COP1: variants seen among roughly 807,000 people sequenced by gnomAD.
COP1 encodes COP1 E3 ubiquitin ligase.
A neutral mutation model predicts 101.3 loss-of-function variants in COP1; 24 were observed. The ratio of observed to expected loss-of-function variants is 0.24; its 90% CI spans 0.17 to 0.33. COP1 has a LOEUF of 0.33. Ranked by LOEUF, COP1 falls within the 10% of genes least tolerant of loss-of-function variation. The pLI, the probability that COP1 is intolerant of heterozygous loss-of-function variation, is 1.00. For missense variants in COP1, 663 were observed against 906.2 expected (o/e 0.73, Z 3.45); for synonymous variants, 347 against 341.9 (o/e 1.01, Z -0.17).
chr1:176,066,032 T>C (rs557141656), intron 11 of COP1, among the ~76,000 whole-genome samples: 52 of 152,098 alleles, frequency 3.4e-4, no homozygotes, highest in Non-Finnish European at 4.1e-4. Context: ...GGCCGGGGGA[T>C]AATGATTTTA....
rs144811828 is a variant in COP1, at chr1:175,989,461, T to C, written c.1748A>G (p.Tyr583Cys). Residue 583 changes from tyrosine to cysteine, a missense_variant, in exon 16 of 20, where the codon TAT (tyrosine) becomes TGT (cysteine). Physicochemically the swap from Tyr to Cys is radical, Grantham distance 194. Coordinates refer to ENST00000367669, the MANE Select transcript of COP1 (RefSeq NM_022457.7). ...FGCADHCVHYYDLRNTKQPIM... is the reference protein window; with the variant it reads ...FGCADHCVHYCDLRNTKQPIM... ...TGGCTGTTTAGTGTTACGAAGATCA[T>C]AGTAGTGGACACAGTGATCTAAAAC... 23 of 1,581,250 alleles carry C rather than the reference T, an allele frequency of 1.5e-5. No individual in the cohort carries two copies. The Middle Eastern group carries it at 1.2e-3, about 80-fold the overall frequency.
intron 15 of COP1, 94 bp downstream of exon 15, chr1:176,027,478 C>A: frequency 3.8e-6 from 3 of 780,086 alleles, no homozygotes; most frequent in Non-Finnish European, 6.7e-6. Context: ...ACATTTAAAC[C>A]TACAAAAGAG....
rs184004481 is a variant in COP1 at position 176,087,095 on chromosome 1, T to C, written c.1027-1205A>G. On this transcript the variant is annotated intron_variant, in intron 9 of 19. Coordinates refer to ENST00000367669, the MANE Select transcript of COP1 (RefSeq NM_022457.7). ...AACTGGATCCCTTCCTTATACCTTA[T>C]ACAAAAATTAATTTAAGATGGATTA... Among the ~76,000 whole-genome samples the C allele has an allele frequency of 3.4e-3, 518 of 152,318 alleles. 4 individuals are homozygous for C. The highest frequency in any genetic ancestry group is 0.012 in the African/African-American group (501 of 41,566).
At chr1:176,053,939 G>A (rs1672999547) in intron 11 of COP1, among the ~76,000 whole-genome samples, 1 of 151,878 alleles carries the variant, frequency 6.6e-6, no homozygotes, top group Admixed American at 6.6e-5. Context: ...ATTTGAACTG[G>A]CAGACTTGAA....
In COP1 at chr1:176,207,031, G is replaced by A; in HGVS notation, c.-53C>T. On this transcript the variant is annotated 5_prime_UTR_variant, in exon 1 of 20. Coordinates refer to ENST00000367669, the MANE Select transcript of COP1 (RefSeq NM_022457.7). Reference sequence around the variant, plus strand: ...CTCGGAGGAGAGGGACCGCGACCTCGACCCTCCGCCGCCTCCCCTCCCCTC... The same window carrying A: ...CTCGGAGGAGAGGGACCGCGACCTCAACCCTCCGCCGCCTCCCCTCCCCTC... 7.6e-7 allele frequency: 1 copy of A among 1,320,374 alleles called. No individual in the cohort carries two copies. The highest frequency in any genetic ancestry group is 9.7e-7 in the Non-Finnish European group (1 of 1,031,810). 81.8% of individuals were successfully genotyped at this position (1,320,374 alleles called of 1,614,324 possible). A position where few individuals can be genotyped will look rare whatever the true frequency, so the allele number is the denominator to read the frequency against.
At chr1:176,142,611 A>C (rs1690877150) in intron 6 of COP1, among the ~76,000 whole-genome samples, 1 of 152,078 alleles carries the variant, frequency 6.6e-6, no homozygotes, top group African/African-American at 2.4e-5. Context: ...TTCAAGCACA[A>C]GTATTTCAAA....
intron 15 of COP1, among the ~76,000 whole-genome samples, chr1:176,001,436 C>T (rs1001444287): frequency 6.6e-6 from 1 of 152,086 alleles, no homozygotes; most frequent in African/African-American, 2.4e-5. Flanking sequence ...GGAAATACCA[C>T]TACTAAAAAC....
intron 1 of COP1, among the ~76,000 whole-genome samples, chr1:176,192,570 A>T (rs1234958370): frequency 6.6e-6 from 1 of 152,172 alleles, no homozygotes; most frequent in Admixed American, 6.5e-5. Flanking sequence ...AATTGGCCAA[A>T]ATATCTTTCA....
At chr1:176,105,824 G>C (rs868247221) in intron 9 of COP1, among the ~76,000 whole-genome samples, 2 of 152,160 alleles carry the variant, frequency 1.3e-5, no homozygotes, top group African/African-American at 4.8e-5. Flanking sequence ...GATTTCAGTA[G>C]TATCTATTAA....
At chr1:176,126,055 T>G (rs1173615509) in intron 8 of COP1, among the ~76,000 whole-genome samples, 1 of 152,228 alleles carries the variant, frequency 6.6e-6, no homozygotes, top group African/African-American at 2.4e-5. Flanking sequence ...TGATTTTTTG[T>G]ATGTTGACTT....
rs182381848 is a variant in COP1, at chr1:176,067,319, A to G, written c.1277+13833T>C. ...CCCACGGACTAAGGTGAGGACAAGC[A>G]TTTCTGTTTTTGTGCTCAAATGTTG... On this transcript the variant is annotated intron_variant, in intron 11 of 19. Coordinates refer to ENST00000367669, the MANE Select transcript of COP1 (RefSeq NM_022457.7). Among the ~76,000 whole-genome samples the G allele has an allele frequency of 9.2e-5, 14 of 152,204 alleles. No homozygotes were observed. In the East Asian group the frequency reaches 2.5e-3, roughly 27 times the overall value.
At chr1:176,142,481 A>T (rs1690852926) in intron 6 of COP1, among the ~76,000 whole-genome samples, 1 of 152,124 alleles carries the variant, frequency 6.6e-6, no homozygotes, top group Non-Finnish European at 1.5e-5. Flanking sequence ...TTCACCTAAA[A>T]GATAATGAGA....
At chr1:175,977,201 C>T (rs1046424599) in intron 18 of COP1, among the ~76,000 whole-genome samples, 2 of 152,144 alleles carry the variant, frequency 1.3e-5, no homozygotes, top group Non-Finnish European at 2.9e-5. Flanking sequence ...AAAAGTATGA[C>T]CAACTGCTTA....
chr1:176,065,704 ATTTTTTTTTT>A (rs1203707183), intron 11 of COP1, among the ~76,000 whole-genome samples: 1 of 114,472 alleles, frequency 8.7e-6, no homozygotes, highest in Admixed American at 9.1e-5. Flanking sequence ...GGGGATAATG[ATTTTTTTTTT>A]TTTTTTTTTT....
chr1:176,129,150 T>C (rs535447628), intron 8 of COP1, among the ~76,000 whole-genome samples: 14 of 152,036 alleles, frequency 9.2e-5, no homozygotes, highest in Admixed American at 9.2e-4. Context: ...ATTCACAAGG[T>C]ATTAGATCAC....
chr1:176,110,710 T>C (rs1283584842), intron 9 of COP1, among the ~76,000 whole-genome samples: 3 of 152,030 alleles, frequency 2.0e-5, no homozygotes, highest in East Asian at 1.9e-4. Flanking sequence ...AAAAACCTGC[T>C]GGTTGAATAA....
intron 2 of COP1, among the ~76,000 whole-genome samples, chr1:176,179,158 T>C (rs1238229874): frequency 6.6e-6 from 1 of 151,660 alleles, no homozygotes. Flanking sequence ...GGCATATTGG[T>C]GCACACCTAT....
At chr1:176,098,810 C>A (rs1414940346) in intron 9 of COP1, among the ~76,000 whole-genome samples, 1 of 152,086 alleles carries the variant, frequency 6.6e-6, no homozygotes, top group Non-Finnish European at 1.5e-5. Context: ...ACAGGCTTCC[C>A]AAAATCAAAC....
At chr1:176,104,685 C>A (rs1241174381) in intron 9 of COP1, among the ~76,000 whole-genome samples, 1 of 152,246 alleles carries the variant, frequency 6.6e-6, no homozygotes, top group South Asian at 2.1e-4. Context: ...GTGGGGAAAA[C>A]AGACATATTT....
Sources: gnomAD v4.1 joint callset for allele counts (sites outside exome capture counted in the v4.1 genomes callset) on GRCh38, gnomAD v4.1.1 for gene constraint, MANE v1.5 for transcripts, NCBI Gene and HGNC (gene_info 2026-07-23, HGNC 2026-07-21) for gene names.